The following SND1 variants were observed in gnomAD, a reference collection of about 807,000 sequenced individuals.
SND1 encodes the protein staphylococcal nuclease domain-containing protein 1.
In SND1, 38 loss-of-function variants were observed where a neutral mutation model predicts 121.7. That is an observed-to-expected ratio of 0.31 (90% CI 0.24 to 0.41). SND1 has a LOEUF of 0.41. SND1 is among the 10% of genes least tolerant of loss of function. The pLI, the probability that SND1 is intolerant of heterozygous loss-of-function variation, is 1.00. For synonymous variants in SND1, 401 were observed against 447.4 expected (o/e 0.90, Z 1.31); for missense variants, 868 against 1,184.6 (o/e 0.73, Z 3.92).
At chr7:128,030,102 T>C (rs1584748953) in intron 16 of SND1, 1 of 1,613,794 alleles carries the variant, frequency 6.2e-7, no homozygotes, top group Middle Eastern at 1.6e-4. Context: ...CTTCTTGAGC[T>C]CCCCCAAGTC....
chr7:127,873,473 G>A (rs535696125), intron 12 of SND1, among the ~76,000 whole-genome samples: 10 of 152,216 alleles, frequency 6.6e-5, no homozygotes, highest in Middle Eastern at 6.8e-3. Context: ...GGGCAAGACC[G>A]AGAAGAGAAA....
At chr7:128,065,304 G>T (rs1441738753) in intron 16 of SND1, among the ~76,000 whole-genome samples, 1 of 152,234 alleles carries the variant, frequency 6.6e-6, no homozygotes, top group Non-Finnish European at 1.5e-5. Context: ...GTGGGTCTCC[G>T]TGGGAAACCC....
chr7:127,877,390 T>C (rs1029372526), intron 12 of SND1, among the ~76,000 whole-genome samples: 1 of 152,168 alleles, frequency 6.6e-6, no homozygotes, highest in Non-Finnish European at 1.5e-5. Context: ...CTTCCATGTA[T>C]ATTTCTATCT....
chr7:127,773,395 T>C (rs1254056853), intron 10 of SND1, among the ~76,000 whole-genome samples: 1 of 151,116 alleles, frequency 6.6e-6, no homozygotes, highest in African/African-American at 2.4e-5. Flanking sequence ...GAGGTTGCAG[T>C]GAGCTGAGAT....
chr7:127,983,032 A>G (rs369563599), intron 15 of SND1, among the ~76,000 whole-genome samples: 12 of 152,210 alleles, frequency 7.9e-5, no homozygotes, highest in African/African-American at 2.4e-4. Context: ...CTGTCTATAT[A>G]TTGTTGGCGC....
At chr7:127,837,674 C>T (rs1345359822) in intron 11 of SND1, among the ~76,000 whole-genome samples, 1 of 152,100 alleles carries the variant, frequency 6.6e-6, no homozygotes, top group Admixed American at 6.5e-5. Context: ...TCCTGTACCT[C>T]GATGAATGGG....
intron 16 of SND1, among the ~76,000 whole-genome samples, chr7:128,006,247 T>C (rs781346698): frequency 6.7e-5 from 10 of 150,362 alleles, no homozygotes; most frequent in South Asian, 2.1e-4. Flanking sequence ...TGCGTGCGTG[T>C]GTGTGTGTGT....
Position 127,844,316 on chromosome 7 carries a change from G to C in SND1, c.1243-8G>C, listed in dbSNP as rs1477645904. On this transcript the variant is annotated splice_polypyrimidine_tract_variant and splice_region_variant and intron_variant, in intron 11 of 23. Transcript: ENST00000354725. ...TCAACCCTAATTCCCTTGATTCTTT[G>C]TTTCCAGGTCAATGTGACGGTGGAC... 6.2e-7 allele frequency: 1 copy of C among 1,611,516 alleles called. No individual in the cohort carries two copies. Among genetic ancestry groups the C allele is most frequent in the Non-Finnish European group, 8.5e-7 (1 of 1,178,618 alleles).
intron 10 of SND1, among the ~76,000 whole-genome samples, chr7:127,745,674 G>C (rs967230404): frequency 6.6e-6 from 1 of 152,106 alleles, no homozygotes; most frequent in African/African-American, 2.4e-5. Context: ...GGTTATGACT[G>C]GTACAAGCTT....
chr7:127,992,563 G>A (rs1287253428), intron 16 of SND1, among the ~76,000 whole-genome samples: 1 of 152,216 alleles, frequency 6.6e-6, no homozygotes, highest in Non-Finnish European at 1.5e-5. Flanking sequence ...GCTTTGGATG[G>A]AGGAAGGAAA....
At chr7:127,732,719 A>G (rs1562994350) in intron 10 of SND1, among the ~76,000 whole-genome samples, 1 of 152,366 alleles carries the variant, frequency 6.6e-6, no homozygotes, top group South Asian at 2.1e-4. Context: ...TGTACAGTTT[A>G]AGCAAGACCA....
At chr7:127,955,377 T>G (rs1039385536) in intron 15 of SND1, among the ~76,000 whole-genome samples, 5 of 152,182 alleles carry the variant, frequency 3.3e-5, no homozygotes, top group African/African-American at 1.2e-4. Flanking sequence ...TATATCTGCC[T>G]GCATCTCCCA....
chr7:127,739,361 A>C (rs1796835041), intron 10 of SND1, among the ~76,000 whole-genome samples: 1 of 152,108 alleles, frequency 6.6e-6, no homozygotes, highest in African/African-American at 2.4e-5. Context: ...TTAGTGAAAT[A>C]TTTATGTGAA....
chr7:127,846,117 T>C (rs1367218923), intron 12 of SND1, among the ~76,000 whole-genome samples: 1 of 152,230 alleles, frequency 6.6e-6, no homozygotes, highest in African/African-American at 2.4e-5. Flanking sequence ...TCAATTCTGT[T>C]GGCTGTTTAA....
intron 10 of SND1, among the ~76,000 whole-genome samples, chr7:127,800,695 C>T (rs573514920): frequency 6.6e-6 from 1 of 152,182 alleles, no homozygotes; most frequent in South Asian, 2.1e-4. Flanking sequence ...GATATTCTTC[C>T]CTGTGTGCTT....
chr7:127,913,626 A>G (rs1462801912), intron 14 of SND1, among the ~76,000 whole-genome samples: 3 of 152,180 alleles, frequency 2.0e-5, no homozygotes, highest in Non-Finnish European at 4.4e-5. Context: ...AGCCCATTAC[A>G]GGGATGATTG....
At chr7:127,869,503 C>G (rs1282429149) in intron 12 of SND1, among the ~76,000 whole-genome samples, 9 of 152,126 alleles carry the variant, frequency 5.9e-5, no homozygotes, top group East Asian at 1.9e-4. Flanking sequence ...AGTTTAGAGT[C>G]ATTAATGCTT....
chr7:128,007,108 G>A lies in SND1; in HGVS notation c.1779+16052G>A, dbSNP rs780543403. ...GCCTGGAGAAGGCAGCCAGCTCTCT[G>A]TGAAGCTGGTTAATTACATGTGAAG... On this transcript the variant is annotated intron_variant, in intron 16 of 23. Coordinates refer to ENST00000354725, the MANE Select transcript of SND1 (RefSeq NM_014390.4). Among the ~76,000 whole-genome samples, 16 of 152,190 alleles carry A rather than the reference G, an allele frequency of 1.1e-4. No individual in the cohort carries two copies. The South Asian group carries it at 2.7e-3, about 26-fold the overall frequency.
chr7:127,724,144 T>C (rs13237048), intron 10 of SND1, among the ~76,000 whole-genome samples: 50,085 of 152,114 alleles, frequency 0.33, 9,125 homozygotes, highest in Admixed American at 0.42. Context: ...AGGGAATAAA[T>C]AGATGTCCCT....
Sources: gnomAD v4.1 joint callset for allele counts (sites outside exome capture counted in the v4.1 genomes callset) on GRCh38, gnomAD v4.1.1 for gene constraint, MANE v1.5 for transcripts, NCBI Gene and HGNC (gene_info 2026-07-23, HGNC 2026-07-21) for gene names.